Variants in FSTL5 observed in about 807,000 individuals in gnomAD.
FSTL5 encodes the protein follistatin-related protein 5.
In FSTL5, 62 loss-of-function variants were observed where a neutral mutation model predicts 89.1. The ratio of observed to expected loss-of-function variants is 0.70; its 90% confidence interval spans 0.57 to 0.86. FSTL5 has a LOEUF of 0.86. Ranked by LOEUF, FSTL5 falls within the 40% of genes least tolerant of loss-of-function variation. The pLI is 0.00. For synonymous variants in FSTL5, 383 were observed against 346.2 expected (o/e 1.11, Z -1.18); for missense variants, 1,057 against 1,001.6 (o/e 1.06, Z -0.75).
At position 161,620,889 on chromosome 4, in the gene FSTL5, T is replaced by C. The variant is rs73862343; in HGVS notation, c.895-33314A>G. ...TTTAATAATAGAGATTCAAGATATATGAAGCAAAAACTGACAGAACCTCAG... is the reference window on the plus strand; with the variant it reads ...TTTAATAATAGAGATTCAAGATATACGAAGCAAAAACTGACAGAACCTCAG... On this transcript the variant is annotated intron_variant, in intron 7 of 15. Transcript: ENST00000306100. Among the ~76,000 whole-genome samples the C allele has an allele frequency of 4.4e-3, 675 of 152,178 alleles. 4 individuals are homozygous for C. The highest frequency in any genetic ancestry group is 0.015 in the African/African-American group (612 of 41,522).
At chr4:162,058,824 T>C (rs565840569) in intron 2 of FSTL5, among the ~76,000 whole-genome samples, 2 of 152,240 alleles carry the variant, frequency 1.3e-5, no homozygotes, top group Admixed American at 1.3e-4. Flanking sequence ...TAGTACTTGC[T>C]CTGAATCAAA....
intron 8 of FSTL5, among the ~76,000 whole-genome samples, chr4:161,564,112 A>G (rs1046404536): frequency 6.6e-6 from 1 of 151,842 alleles, no homozygotes; most frequent in South Asian, 2.1e-4. Flanking sequence ...ATATATTTGT[A>G]TTCAAATTTA....
At chr4:162,067,816 A>G (rs1052127805) in intron 2 of FSTL5, among the ~76,000 whole-genome samples, 10 of 152,104 alleles carry the variant, frequency 6.6e-5, no homozygotes, top group African/African-American at 2.4e-4. Context: ...GTCTTAGCCC[A>G]AAAGCATTTA....
At chr4:162,018,963 C>G (rs1004469934) in intron 3 of FSTL5, among the ~76,000 whole-genome samples, 1 of 152,022 alleles carries the variant, frequency 6.6e-6, no homozygotes, top group African/African-American at 2.4e-5. Context: ...GTAACTAATC[C>G]ACTGATAACT....
intron 4 of FSTL5, among the ~76,000 whole-genome samples, chr4:161,832,701 G>A (rs1313952504): frequency 6.6e-6 from 1 of 152,076 alleles, no homozygotes; most frequent in Non-Finnish European, 1.5e-5. Context: ...ATGGTAGTTT[G>A]TATTTCTGTG....
intron 12 of FSTL5, among the ~76,000 whole-genome samples, chr4:161,487,633 C>G (rs10155416): frequency 6.6e-6 from 1 of 151,660 alleles, no homozygotes; most frequent in Admixed American, 6.6e-5. Flanking sequence ...TTTTTTTCTC[C>G]CACAGAGTTT....
At chr4:162,058,952 A>T (rs1482703341) in intron 2 of FSTL5, among the ~76,000 whole-genome samples, 2 of 152,190 alleles carry the variant, frequency 1.3e-5, no homozygotes, top group African/African-American at 4.8e-5. Context: ...TGAAAATGTG[A>T]ATTCACTAAT....
At chr4:161,712,690 C>G (rs1270442959) in intron 6 of FSTL5, among the ~76,000 whole-genome samples, 1 of 152,034 alleles carries the variant, frequency 6.6e-6, no homozygotes, top group Admixed American at 6.6e-5. Context: ...TTATGAATGG[C>G]TTGGTGCTGT....
chr4:162,137,457 C>T (rs912702594), intron 1 of FSTL5, among the ~76,000 whole-genome samples: 1 of 151,536 alleles, frequency 6.6e-6, no homozygotes, highest in Non-Finnish European at 1.5e-5. Context: ...TGGCCACATA[C>T]CACACACACA....
At chr4:161,501,752 T>A (rs1358865108) in intron 11 of FSTL5, among the ~76,000 whole-genome samples, 3 of 151,982 alleles carry the variant, frequency 2.0e-5, no homozygotes, top group African/African-American at 7.2e-5. Flanking sequence ...TAAAATTTAG[T>A]AGTTGTCAGC....
intron 4 of FSTL5, among the ~76,000 whole-genome samples, chr4:161,801,525 G>A (rs1729793058): frequency 6.6e-6 from 1 of 151,264 alleles, no homozygotes; most frequent in Admixed American, 6.6e-5. Context: ...TGTTCCTAAT[G>A]GGAAAGCAAA....
chr4:161,677,339 G>T (rs1476344440), intron 6 of FSTL5, among the ~76,000 whole-genome samples: 1 of 151,832 alleles, frequency 6.6e-6, no homozygotes, highest in African/African-American at 2.4e-5. Flanking sequence ...AGTTAGAAGA[G>T]TAAAACAAAA....
intron 7 of FSTL5, among the ~76,000 whole-genome samples, chr4:161,602,034 A>G (rs570981236): frequency 1.3e-5 from 2 of 152,100 alleles, no homozygotes; most frequent in South Asian, 2.1e-4. Context: ...AGTAGATTTA[A>G]AATAACTATG....
chr4:161,437,565 C>CAAAAAAAAAA (rs56229701), intron 15 of FSTL5, among the ~76,000 whole-genome samples: 2,456 of 68,144 alleles, frequency 0.036, 351 homozygotes, highest in East Asian at 0.21. Context: ...GACTCCGTCT[C>CAAAAAAAAAA]AAAAAAAAAA....
At chr4:161,770,028 G>T (rs1435544078) in intron 5 of FSTL5, among the ~76,000 whole-genome samples, 2 of 151,926 alleles carry the variant, frequency 1.3e-5, no homozygotes, top group African/African-American at 2.4e-5. Context: ...GTAGCATTTA[G>T]CCATAAAAAA....
chr4:161,516,409 TA>T (rs1256664655), intron 10 of FSTL5, among the ~76,000 whole-genome samples: 1 of 147,562 alleles, frequency 6.8e-6, no homozygotes, highest in Non-Finnish European at 1.5e-5. Context: ...TGTAAATATA[TA>T]TTTTTTTACA....
At chr4:161,923,537 A>C (rs1298201109) in intron 3 of FSTL5, among the ~76,000 whole-genome samples, 2 of 151,806 alleles carry the variant, frequency 1.3e-5, no homozygotes, top group African/African-American at 2.4e-5. Flanking sequence ...ATTTTGTATA[A>C]TTTTATGTCA....
intron 3 of FSTL5, among the ~76,000 whole-genome samples, chr4:161,921,137 G>C (rs185381994): frequency 6.6e-6 from 1 of 152,226 alleles, no homozygotes; most frequent in East Asian, 1.9e-4. Context: ...AGCTTTTACA[G>C]TAACAGAATT....
chr4:162,047,949 A>G (rs559233323), intron 2 of FSTL5, among the ~76,000 whole-genome samples: 1 of 152,188 alleles, frequency 6.6e-6, no homozygotes, highest in African/African-American at 2.4e-5. Flanking sequence ...GCAGGTACAT[A>G]GTAAAGGTTA....
Sources: allele counts gnomAD v4.1 joint callset (sites outside exome capture counted in the v4.1 genomes callset), GRCh38; gene constraint gnomAD v4.1.1; transcripts MANE v1.5; gene names NCBI Gene and HGNC (gene_info 2026-07-23, HGNC 2026-07-21).